GRIA4: variants seen among roughly 807,000 people sequenced by gnomAD.
GRIA4 encodes glutamate ionotropic receptor AMPA type subunit 4.
GRIA4 carries 34 observed loss-of-function variants against 104.0 expected under a neutral mutation model. The observed-to-expected ratio is 0.33, with a 90% CI of 0.25 to 0.44. The LOEUF is 0.44. Ranked by LOEUF, GRIA4 falls within the 20% of genes least tolerant of loss-of-function variation. GRIA4 has a pLI of 1.00. For synonymous variants in GRIA4, 386 were observed against 381.9 expected, an observed-to-expected ratio of 1.01 and a Z score of -0.13; for missense variants, 750 against 1,096.5, an observed-to-expected ratio of 0.68 and a Z score of 4.46.
At chr11:105,747,649 C>G (rs1025954590) in intron 3 of GRIA4, among the ~76,000 whole-genome samples, 4 of 151,872 alleles carry the variant, frequency 2.6e-5, no homozygotes, top group Non-Finnish European at 4.4e-5. Flanking sequence ...GTTGACAAAC[C>G]TAGTAGATAG....
chr11:105,950,366 A>C (rs1948427871), intron 14 of GRIA4, among the ~76,000 whole-genome samples: 1 of 152,180 alleles, frequency 6.6e-6, no homozygotes, highest in South Asian at 2.1e-4. Context: ...TGAAAATTCA[A>C]AGATGAGACT....
chr11:105,727,758 T>C (rs1938312232), intron 3 of GRIA4, among the ~76,000 whole-genome samples: 1 of 152,118 alleles, frequency 6.6e-6, no homozygotes, highest in Non-Finnish European at 1.5e-5. Flanking sequence ...AACCCAGAAT[T>C]TCATATCCAG....
chr11:105,979,281 G>C (rs1050909642), intron 16 of GRIA4, among the ~76,000 whole-genome samples: 5 of 152,174 alleles, frequency 3.3e-5, no homozygotes, highest in African/African-American at 7.2e-5. Flanking sequence ...AAGATATACA[G>C]TGCAGCAAGT....
chr11:105,889,698 T>A (rs762319293), intron 6 of GRIA4, among the ~76,000 whole-genome samples: 21 of 152,140 alleles, frequency 1.4e-4, no homozygotes, highest in Non-Finnish European at 3.1e-4. Context: ...TACTGAAGGT[T>A]CTATTACAGA....
intron 3 of GRIA4, among the ~76,000 whole-genome samples, chr11:105,695,521 C>T (rs924059843): frequency 1.8e-4 from 27 of 150,538 alleles, no homozygotes; most frequent in East Asian, 7.9e-4. Flanking sequence ...TGTGCGTGCG[C>T]GTTTGGTAGG....
rs573552481 is a variant in GRIA4, at chr11:105,912,640, A to T, written c.1269+2095A>T. On this transcript the variant is annotated intron_variant, in intron 10 of 16. Coordinates refer to ENST00000282499, the MANE Select transcript of GRIA4 (RefSeq NM_000829.4). ...GCTATCAAAATAGTATAATACTAGTATCTTTTTGTATGAAAATGTAATCTT... is the reference window on the plus strand; with the variant it reads ...GCTATCAAAATAGTATAATACTAGTTTCTTTTTGTATGAAAATGTAATCTT... 15 of 681,954 alleles carry T rather than the reference A, an allele frequency of 2.2e-5. No individual in the cohort carries two copies. In the African/African-American group the frequency reaches 2.9e-4, roughly 13 times the overall value. 42.2% of individuals were successfully genotyped at this position (681,954 alleles called of 1,614,324 possible). A position where few individuals can be genotyped will look rare whatever the true frequency, so the allele number is the denominator to read the frequency against.
intron 3 of GRIA4, among the ~76,000 whole-genome samples, chr11:105,662,350 T>A (rs1164512212): frequency 2.0e-5 from 3 of 151,726 alleles, no homozygotes; most frequent in Non-Finnish European, 4.4e-5. Context: ...AACTATAAGC[T>A]TTTCCACTGA....
rs148741207 is a variant in GRIA4 at position 105,688,140 on chromosome 11, A to C, written c.248-64841A>C. Among the ~76,000 whole-genome samples, 786 of 86,942 alleles carry C rather than the reference A, an allele frequency of 9.0e-3. 19 individuals carry two copies. Among genetic ancestry groups the C allele is most frequent in the African/African-American group, 0.027 (725 of 26,930 alleles). The allele number at this position is 86,942 out of a possible 152,430, so 57.0% of individuals were successfully genotyped here. A position where few individuals can be genotyped will look rare whatever the true frequency, so the allele number is the denominator to read the frequency against. On this transcript the variant is annotated intron_variant, in intron 3 of 16. Coordinates refer to ENST00000282499, the MANE Select transcript of GRIA4 (RefSeq NM_000829.4). ...TATATCTATATCTATATCTATATCT[A>C]TATCTATATCTATATCTCTATCTAT...
At chr11:105,946,165 G>T (rs773936680) in intron 14 of GRIA4, among the ~76,000 whole-genome samples, 33 of 152,122 alleles carry the variant, frequency 2.2e-4, no homozygotes, top group Non-Finnish European at 4.1e-4. Flanking sequence ...TTCTTTTAAT[G>T]GTTTTCACTA....
chr11:105,732,035 G>A (rs1275504765), intron 3 of GRIA4, among the ~76,000 whole-genome samples: 3 of 151,944 alleles, frequency 2.0e-5, no homozygotes, highest in African/African-American at 4.8e-5. Flanking sequence ...TAAAAAATAA[G>A]AAGGAGGTTA....
chr11:105,829,833 C>A (rs1943908249), intron 4 of GRIA4, among the ~76,000 whole-genome samples: 1 of 151,766 alleles, frequency 6.6e-6, no homozygotes, highest in African/African-American at 2.4e-5. Context: ...CAAGGAAAGA[C>A]AGGCATAGGG....
chr11:105,876,103 A>G (rs1353302743), intron 5 of GRIA4, among the ~76,000 whole-genome samples: 3 of 152,008 alleles, frequency 2.0e-5, no homozygotes, highest in Non-Finnish European at 1.5e-5. Context: ...CAGACATTCT[A>G]GTACATTGTG....
intron 4 of GRIA4, among the ~76,000 whole-genome samples, chr11:105,819,034 A>C (rs1943484070): frequency 6.6e-6 from 1 of 152,160 alleles, no homozygotes; most frequent in Middle Eastern, 3.2e-3. Flanking sequence ...TCTAAGGTAC[A>C]TGGATTAAGG....
At chr11:105,885,211 A>T (rs1447048087) in intron 5 of GRIA4, among the ~76,000 whole-genome samples, 2 of 152,134 alleles carry the variant, frequency 1.3e-5, no homozygotes, top group African/African-American at 4.8e-5. Flanking sequence ...TAGACTGGAG[A>T]TTCCCAGAAA....
chr11:105,975,900 T>G (rs1858956896), intron 16 of GRIA4, among the ~76,000 whole-genome samples: 1 of 152,096 alleles, frequency 6.6e-6, no homozygotes, highest in Non-Finnish European at 1.5e-5. Context: ...AGCACATAGA[T>G]AGTTCCAAAA....
chr11:105,625,031 C>T (rs528445230), intron 3 of GRIA4, among the ~76,000 whole-genome samples: 4 of 152,114 alleles, frequency 2.6e-5, no homozygotes, highest in African/African-American at 9.6e-5. Context: ...TGTGATATCC[C>T]ATTCAACACA....
At chr11:105,892,892 G>A (rs1307745726) in intron 6 of GRIA4, among the ~76,000 whole-genome samples, 2 of 152,032 alleles carry the variant, frequency 1.3e-5, no homozygotes, top group Non-Finnish European at 2.9e-5. Flanking sequence ...CTACGAAACT[G>A]AAATGCAAAA....
At chr11:105,642,595 A>T (rs1951403577) in intron 3 of GRIA4, among the ~76,000 whole-genome samples, 1 of 148,524 alleles carries the variant, frequency 6.7e-6, no homozygotes, top group Admixed American at 6.8e-5. Context: ...TCACACACTC[A>T]TCTACCCACC....
At chr11:105,895,126 A>C (rs1350368866) in intron 6 of GRIA4, among the ~76,000 whole-genome samples, 1 of 152,170 alleles carries the variant, frequency 6.6e-6, no homozygotes, top group Non-Finnish European at 1.5e-5. Context: ...TTCCCACCAA[A>C]AAATAAACAA....
Sources: allele counts gnomAD v4.1 joint callset (sites outside exome capture counted in the v4.1 genomes callset), GRCh38; gene constraint gnomAD v4.1.1; transcripts MANE v1.5; gene names NCBI Gene and HGNC (gene_info 2026-07-23, HGNC 2026-07-21).